VANGL1: variants seen among roughly 807,000 people sequenced by gnomAD.
The protein encoded by VANGL1 is vang-like protein 1.
VANGL1 carries 18 observed loss-of-function variants against 48.4 expected under a neutral mutation model. The ratio of observed to expected loss-of-function variants is 0.37; its 90% CI spans 0.26 to 0.55. The LOEUF (loss-of-function observed/expected upper bound fraction) is 0.55, where lower values mean the gene tolerates loss of function less well. Among genes scored for constraint, VANGL1 ranks in the 20% least tolerant of loss-of-function variants. The probability of loss-of-function intolerance (pLI) is 0.81; values close to 1 mark genes in which losing one functional copy is unlikely to be tolerated. For synonymous variants in VANGL1, 257 were observed against 261.8 expected, an observed-to-expected ratio of 0.98 and a Z score of 0.18; for missense variants, 667 against 675.8, an observed-to-expected ratio of 0.99 and a Z score of 0.14.
At chr1:115,684,242 G>T (rs888994854) in intron 6 of VANGL1, among the ~76,000 whole-genome samples, 166 bp downstream of exon 6, 1 of 151,962 alleles carries the variant, frequency 6.6e-6, no homozygotes, top group African/African-American at 2.4e-5. Flanking sequence ...AGGTTCCAGT[G>T]ATTCTCATGC....
chr1:115,683,366 T>C (rs995220467), intron 5 of VANGL1, among the ~76,000 whole-genome samples: 2 of 152,206 alleles, frequency 1.3e-5, no homozygotes, highest in African/African-American at 4.8e-5. Flanking sequence ...ACAGGACTTC[T>C]GAGTCTGTAT....
At chr1:115,649,344 G>C (rs890276386) in intron 1 of VANGL1, among the ~76,000 whole-genome samples, 1 of 152,100 alleles carries the variant, frequency 6.6e-6, no homozygotes, top group African/African-American at 2.4e-5. Flanking sequence ...TTATGGATTG[G>C]GAAGTCTCTG....
intron 2 of VANGL1, among the ~76,000 whole-genome samples, chr1:115,655,717 A>G (rs1652318865): frequency 6.6e-6 from 1 of 152,100 alleles, no homozygotes; most frequent in South Asian, 2.1e-4. Flanking sequence ...TCCCATTTCC[A>G]TACTCTTAGA....
chr1:115,668,493 A>G (rs938046757), intron 4 of VANGL1, among the ~76,000 whole-genome samples: 1 of 152,166 alleles, frequency 6.6e-6, no homozygotes, highest in African/African-American at 2.4e-5. Context: ...CTTTGGTCAG[A>G]CCTTTTTAAC....
intron 7 of VANGL1, among the ~76,000 whole-genome samples, chr1:115,690,630 A>ATC (rs1232991026): frequency 6.6e-6 from 1 of 152,246 alleles, no homozygotes; most frequent in African/African-American, 2.4e-5. Flanking sequence ...CTTGTGCAGA[A>ATC]TCACTGCCAG....
chr1:115,671,566 G>A (rs1652975165), intron 4 of VANGL1, among the ~76,000 whole-genome samples: 1 of 152,218 alleles, frequency 6.6e-6, no homozygotes, highest in Non-Finnish European at 1.5e-5. Flanking sequence ...TTTTCTTAGA[G>A]CACCCTAAGC....
chr1:115,683,100 A>G (rs1653452080), intron 5 of VANGL1, among the ~76,000 whole-genome samples: 2 of 152,212 alleles, frequency 1.3e-5, no homozygotes, highest in Non-Finnish European at 2.9e-5. Flanking sequence ...CAACAAGTCA[A>G]GTGATTTATA....
intron 7 of VANGL1, among the ~76,000 whole-genome samples, chr1:115,687,766 G>T (rs1252632760): frequency 7.9e-6 from 1 of 126,006 alleles, no homozygotes; most frequent in Admixed American, 8.5e-5. Context: ...ACAGGCACAC[G>T]CCACCATGCC....
At chr1:115,675,766 G>A (rs12086889) in intron 4 of VANGL1, among the ~76,000 whole-genome samples, 3,183 of 152,122 alleles carry the variant, frequency 0.021, 127 homozygotes, top group African/African-American at 0.073. Context: ...CTCCAGCTTG[G>A]GCGACAGAGC....
At chr1:115,649,679 A>C (rs1652073818) in intron 1 of VANGL1, among the ~76,000 whole-genome samples, 1 of 152,228 alleles carries the variant, frequency 6.6e-6, no homozygotes, top group Non-Finnish European at 1.5e-5. Context: ...TACATGTTCA[A>C]AGAGGTTTAC....
intron 7 of VANGL1, among the ~76,000 whole-genome samples, chr1:115,686,320 C>T (rs1306267985): frequency 1.5e-5 from 2 of 133,294 alleles, no homozygotes; most frequent in African/African-American, 5.7e-5. Flanking sequence ...TGCAGTGAGC[C>T]AAGATCGCAC....
chr1:115,662,969 T>C (rs948169487), intron 3 of VANGL1, among the ~76,000 whole-genome samples: 20 of 152,222 alleles, frequency 1.3e-4, no homozygotes, highest in African/African-American at 4.8e-4. Context: ...GTATTTTTAG[T>C]AGAGACGGGG....
chr1:115,672,731 G>A (rs1293172482), intron 4 of VANGL1, among the ~76,000 whole-genome samples: 4 of 152,200 alleles, frequency 2.6e-5, no homozygotes, highest in Admixed American at 6.5e-5. Flanking sequence ...AAATGCAGCT[G>A]TGAGACAAAC....
Position 115,693,959 on chromosome 1 carries a change from C to T in VANGL1, c.*2580C>T, listed in dbSNP as rs1037452967. 9 of 152,124 alleles carry T rather than the reference C, an allele frequency of 5.9e-5. No individual in the cohort carries two copies. The highest frequency in any genetic ancestry group is 2.1e-4 in the South Asian group (1 of 4,830). The allele number at this position is 152,124 out of a possible 1,614,324, so 9.4% of individuals were successfully genotyped here. A position where few individuals can be genotyped will look rare whatever the true frequency, so the allele number is the denominator to read the frequency against. ...TAGATTTTTTATAATTTTCATCCTA[C>T]GTTATTAAAATTAGAGCATTGAGTG... On this transcript the variant is annotated 3_prime_UTR_variant, in exon 8 of 8. Coordinates refer to ENST00000355485, the MANE Select transcript of VANGL1 (RefSeq NM_138959.3).
chr1:115,694,120 A>G lies in VANGL1; in HGVS notation c.*2741A>G, dbSNP rs1329553548. 6.6e-6 allele frequency: 1 copy of G among 152,238 alleles called. No homozygotes were observed. The highest frequency in any genetic ancestry group is 2.4e-5 in the African/African-American group (1 of 41,464). The allele number at this position is 152,238 out of a possible 1,614,324, so 9.4% of individuals were successfully genotyped here. On this transcript the variant is annotated 3_prime_UTR_variant, in exon 8 of 8. Transcript: ENST00000355485. ...TTATAGTCCATGAACTGAATGTTAA[A>G]AAGTTCTGTATGCATTCTCAGAGAG...
At chr1:115,671,809 G>A (rs565889029) in intron 4 of VANGL1, among the ~76,000 whole-genome samples, 74 of 152,286 alleles carry the variant, frequency 4.9e-4, no homozygotes, top group African/African-American at 1.5e-3. Flanking sequence ...GTAGGGAAGC[G>A]TGTCTCCTAG....
intron 6 of VANGL1, among the ~76,000 whole-genome samples, chr1:115,684,961 CTT>C (rs1284459523): frequency 6.6e-6 from 1 of 152,176 alleles, no homozygotes; most frequent in Non-Finnish European, 1.5e-5. Context: ...CCTCAGAACT[CTT>C]TTCATCTAAC....
At position 115,675,653 on chromosome 1, in the gene VANGL1, A is replaced by G. The variant is rs568172666; in HGVS notation, c.813-6711A>G. Among the ~76,000 whole-genome samples, 21 of 151,828 alleles carry G rather than the reference A, an allele frequency of 1.4e-4. 1 individual carries two copies. The South Asian group carries it at 4.4e-3, about 32-fold the overall frequency. On this transcript the variant is annotated intron_variant, in intron 4 of 7. Transcript: ENST00000355485. ...CATCTCCACTAAAAATCAGCCAGGC[A>G]TGGTGGCGTGCGCCTGTAATCCCAG... is the stretch of plus-strand genomic sequence containing the variant.
chr1:115,678,951 C>CA (rs561934640), intron 4 of VANGL1, among the ~76,000 whole-genome samples: 50,452 of 121,482 alleles, frequency 0.42, 8,933 homozygotes, highest in Admixed American at 0.47. Flanking sequence ...GAGACTGTCT[C>CA]AAAAAAAAAA....
Sources: gnomAD v4.1 joint callset for allele counts (sites outside exome capture counted in the v4.1 genomes callset) on GRCh38, gnomAD v4.1.1 for gene constraint, MANE v1.5 for transcripts, NCBI Gene and HGNC (gene_info 2026-07-23, HGNC 2026-07-21) for gene names.